Variants in OR1J2 observed in about 807,000 individuals in gnomAD.
The protein encoded by OR1J2 is olfactory receptor family 1 subfamily J member 2.
For missense variants in OR1J2, 304 were observed against 246.1 expected (o/e 1.24, Z -1.57); for synonymous variants, 142 against 99.7 (o/e 1.42, Z -2.52).
chr9:122,552,039 A>ACTCTCTCTCTCTCTCTCT, the OR1J2 span, among the ~76,000 whole-genome samples: 10 of 89,384 alleles, frequency 1.1e-4, no homozygotes, highest in African/African-American at 2.5e-4. Flanking sequence ...GGACACATAC[A>ACTCTCTCTCTCTCTCTCT]CACACACACA....
chr9:122,476,573 GAAGA>G, the OR1J2 span, among the ~76,000 whole-genome samples: 1 of 152,152 alleles, frequency 6.6e-6, no homozygotes, highest in African/African-American at 2.4e-5. Flanking sequence ...GACAGCTGTG[GAAGA>G]AAGACAAGTG....
chr9:122,474,289 G>A, the OR1J2 span, among the ~76,000 whole-genome samples: 48 of 152,214 alleles, frequency 3.2e-4, no homozygotes, highest in Admixed American at 2.9e-3. Flanking sequence ...CTATGGAACA[G>A]ACAAAATTAA....
At chr9:122,451,390 G>T in the OR1J2 span, among the ~76,000 whole-genome samples, 1 of 151,960 alleles carries the variant, frequency 6.6e-6, no homozygotes, top group African/African-American at 2.4e-5. Flanking sequence ...TCTCCATGTT[G>T]GTCAGGCTGG....
the OR1J2 span, chr9:122,526,730 A>C: frequency 2.5e-6 from 4 of 1,614,216 alleles, no homozygotes; most frequent in Non-Finnish European, 3.4e-6. Context: ...TGTGGGTGTC[A>C]GAACATGACA....
the OR1J2 span, among the ~76,000 whole-genome samples, chr9:122,458,658 A>G: frequency 6.6e-6 from 1 of 152,084 alleles, no homozygotes; most frequent in Non-Finnish European, 1.5e-5. Flanking sequence ...AAGACTCCCC[A>G]CCCCAATTCT....
At chr9:122,575,407 G>A in the OR1J2 span, among the ~76,000 whole-genome samples, 1 of 151,948 alleles carries the variant, frequency 6.6e-6, no homozygotes, top group Non-Finnish European at 1.5e-5. Flanking sequence ...CTTTTTGTGT[G>A]CATTTTGACA....
chr9:122,482,819 A>T, the OR1J2 span, among the ~76,000 whole-genome samples: 2 of 152,180 alleles, frequency 1.3e-5, no homozygotes, highest in Non-Finnish European at 2.9e-5. Context: ...TTGATCTCAA[A>T]AAAGCAGAGA....
the OR1J2 span, among the ~76,000 whole-genome samples, chr9:122,479,630 T>A: frequency 5.3e-5 from 8 of 152,324 alleles, no homozygotes; most frequent in Non-Finnish European, 7.4e-5. Flanking sequence ...GGCTGTCAGA[T>A]GCTGTTACTC....
chr9:122,574,431 T>C, the OR1J2 span, among the ~76,000 whole-genome samples: 2 of 152,164 alleles, frequency 1.3e-5, no homozygotes, highest in Admixed American at 6.5e-5. Flanking sequence ...TTTATGCCAC[T>C]ATTTTATTTT....
At chr9:122,473,526 G>T in the OR1J2 span, among the ~76,000 whole-genome samples, 1 of 152,180 alleles carries the variant, frequency 6.6e-6, no homozygotes, top group Non-Finnish European at 1.5e-5. Context: ...ATTTACAGAT[G>T]GAAGAATTCT....
the OR1J2 span, chr9:122,567,651 A>G: frequency 4.3e-6 from 7 of 1,614,076 alleles, no homozygotes; most frequent in Middle Eastern, 1.6e-4. Flanking sequence ...TGTGTAAACA[A>G]TTGTTGCCAC....
At chr9:122,477,474 G>T in the OR1J2 span, 86 of 1,613,898 alleles carry the variant, frequency 5.3e-5, no homozygotes, top group Non-Finnish European at 6.9e-5. Flanking sequence ...ACGCACAAGC[G>T]ATGACCCAGG....
the OR1J2 span, among the ~76,000 whole-genome samples, chr9:122,469,798 C>A: frequency 6.6e-6 from 1 of 152,122 alleles, no homozygotes; most frequent in African/African-American, 2.4e-5. Context: ...GGAACTGGAG[C>A]AAAGTTGACT....
At chr9:122,482,134 A>G in the OR1J2 span, among the ~76,000 whole-genome samples, 1 of 152,192 alleles carries the variant, frequency 6.6e-6, no homozygotes, top group Non-Finnish European at 1.5e-5. Flanking sequence ...GTTAATATCC[A>G]GAATATATAA....
chr9:122,486,798 A>G, the OR1J2 span, among the ~76,000 whole-genome samples: 4 of 152,304 alleles, frequency 2.6e-5, no homozygotes, highest in Admixed American at 2.6e-4. Context: ...CTGATTTCAA[A>G]CTCATGCTGC....
At chr9:122,526,677 A>T in the OR1J2 span, 1 of 1,614,184 alleles carries the variant, frequency 6.2e-7, no homozygotes, top group Non-Finnish European at 8.5e-7. Flanking sequence ...AAAGGGGACG[A>T]TGAGTACGGT....
the OR1J2 span, among the ~76,000 whole-genome samples, chr9:122,475,985 A>G: frequency 1.3e-5 from 2 of 152,268 alleles, no homozygotes; most frequent in African/African-American, 4.8e-5. Flanking sequence ...CACGAACTAT[A>G]TGATCTTGGG....
chr9:122,519,277 T>A, the OR1J2 span: 5 of 1,613,966 alleles, frequency 3.1e-6, no homozygotes, highest in South Asian at 4.4e-5. Flanking sequence ...CTGCTCATCA[T>A]CCTGCTCATC....
chr9:122,485,967 T>C, the OR1J2 span, among the ~76,000 whole-genome samples: 2 of 151,590 alleles, frequency 1.3e-5, no homozygotes, highest in African/African-American at 4.8e-5. Flanking sequence ...TAAGTTTTTT[T>C]TTTTTTTTTT....
Sources: gnomAD v4.1 joint callset for allele counts (sites outside exome capture counted in the v4.1 genomes callset) on GRCh38, gnomAD v4.1.1 for gene constraint, MANE v1.5 for transcripts, NCBI Gene and HGNC (gene_info 2026-07-23, HGNC 2026-07-21) for gene names.